The following NCKAP5 variants were observed in gnomAD, a reference collection of about 807,000 sequenced individuals.
NCKAP5 encodes nck-associated protein 5.
Under a neutral mutation model 167.0 loss-of-function variants are expected in NCKAP5, and 92 were observed. The observed-to-expected ratio is 0.55, with a 90% CI of 0.47 to 0.66. NCKAP5 has a LOEUF of 0.66. Among genes scored for constraint, NCKAP5 ranks in the 30% least tolerant of loss-of-function variants. NCKAP5 has a pLI of 0.00. For missense variants in NCKAP5, 2,378 were observed against 2,315.0 expected (o/e 1.03, Z -0.56); for synonymous variants, 891 against 877.4 (o/e 1.02, Z -0.27).
chr2:132,828,140 G>A (rs1687264996), intron 11 of NCKAP5, among the ~76,000 whole-genome samples: 1 of 152,218 alleles, frequency 6.6e-6, no homozygotes, highest in South Asian at 2.1e-4. Flanking sequence ...GACTGAATCT[G>A]CTGGTGCCTT....
Position 133,077,311 on chromosome 2 carries a change from C to T in NCKAP5, c.341+52667G>A, listed in dbSNP as rs147047441. ...CAAGATAATATGTTTGAGCTAAGTC[C>T]AACTGGATTTAAAAACGGATGCTTC... On this transcript the variant is annotated intron_variant, in intron 6 of 19. Coordinates refer to ENST00000409261, the MANE Select transcript of NCKAP5 (RefSeq NM_207363.3). 8.4e-3 allele frequency among the ~76,000 whole-genome samples: 1,284 copies of T among 152,150 alleles called. 15 individuals carry two copies. The highest frequency in any genetic ancestry group is 0.03 in the African/African-American group (1,228 of 41,514).
At chr2:133,372,117 G>A (rs1469781954) in intron 3 of NCKAP5, among the ~76,000 whole-genome samples, 3 of 152,206 alleles carry the variant, frequency 2.0e-5, no homozygotes, top group African/African-American at 7.2e-5. Context: ...GGCAAAGGAT[G>A]TGAGATTTGA....
chr2:132,882,402 G>A lies in NCKAP5; in HGVS notation c.580-3486C>T, dbSNP rs115138672. On this transcript the variant is annotated intron_variant, in intron 8 of 19. Transcript: ENST00000409261. ...ACCCCAAGCCCTACAGGATTCTTTCGTATCTTCTCCTTTTCATATTAGTAT... is the reference window on the plus strand; with the variant it reads ...ACCCCAAGCCCTACAGGATTCTTTCATATCTTCTCCTTTTCATATTAGTAT... Among the ~76,000 whole-genome samples the A allele has an allele frequency of 3.0e-3, 463 of 152,088 alleles. 1 individual carries two copies. The highest frequency in any genetic ancestry group is 0.017 in the Middle Eastern group (5 of 290).
chr2:133,428,046 T>G (rs1194757029), intron 3 of NCKAP5, among the ~76,000 whole-genome samples: 1 of 152,084 alleles, frequency 6.6e-6, no homozygotes, highest in Non-Finnish European at 1.5e-5. Context: ...AATACATAAG[T>G]GATATAATTC....
At chr2:133,404,415 A>G (rs1688296092) in intron 3 of NCKAP5, among the ~76,000 whole-genome samples, 1 of 152,218 alleles carries the variant, frequency 6.6e-6, no homozygotes, top group African/African-American at 2.4e-5. Context: ...GTTTTTTCCT[A>G]TACATAGATA....
intron 3 of NCKAP5, among the ~76,000 whole-genome samples, chr2:133,465,015 T>TA (rs1331951393): frequency 2.6e-5 from 4 of 151,974 alleles, no homozygotes; most frequent in African/African-American, 2.4e-5. Context: ...GCTTTTTTTT[T>TA]TTATTATTAT....
intron 6 of NCKAP5, among the ~76,000 whole-genome samples, chr2:133,085,705 T>C (rs1185511986): frequency 2.0e-5 from 3 of 152,154 alleles, no homozygotes; most frequent in Admixed American, 2.0e-4. Flanking sequence ...GTGGGCAAGC[T>C]GGCTAATTAA....
At chr2:132,791,934 C>G (rs1684102453) in intron 12 of NCKAP5, among the ~76,000 whole-genome samples, 1 of 152,202 alleles carries the variant, frequency 6.6e-6, no homozygotes, top group East Asian at 1.9e-4. Context: ...TGTATACCTC[C>G]TGTATAGATG....
At chr2:133,114,319 A>T (rs1470906290) in intron 6 of NCKAP5, among the ~76,000 whole-genome samples, 1 of 152,244 alleles carries the variant, frequency 6.6e-6, no homozygotes, top group African/African-American at 2.4e-5. Flanking sequence ...GTTCCAGTAT[A>T]AGAAATGCTC....
intron 6 of NCKAP5, among the ~76,000 whole-genome samples, chr2:133,020,519 A>C (rs1385958234): frequency 6.6e-6 from 1 of 152,192 alleles, no homozygotes; most frequent in Non-Finnish European, 1.5e-5. Flanking sequence ...GCCAGAAGAA[A>C]CTTTGGGGTT....
intron 5 of NCKAP5, among the ~76,000 whole-genome samples, chr2:133,194,165 G>A (rs1376200052): frequency 1.3e-5 from 2 of 151,956 alleles, no homozygotes; most frequent in Non-Finnish European, 2.9e-5. Flanking sequence ...AAAAACTAAT[G>A]AAAGCTAGAG....
At chr2:132,897,711 C>T (rs79923179) in intron 8 of NCKAP5, among the ~76,000 whole-genome samples, 1,638 of 152,278 alleles carry the variant, frequency 0.011, 35 homozygotes, top group African/African-American at 0.036. Flanking sequence ...TTTAGTTTCC[C>T]AGTGCATGTA....
At chr2:132,697,192 C>G (rs1334990239) in intron 19 of NCKAP5, among the ~76,000 whole-genome samples, 2 of 152,050 alleles carry the variant, frequency 1.3e-5, no homozygotes, top group Non-Finnish European at 2.9e-5. Context: ...GGCCGACATC[C>G]TTATGCTTCT....
chr2:132,978,291 T>C (rs568957753), intron 7 of NCKAP5, among the ~76,000 whole-genome samples: 6 of 152,174 alleles, frequency 3.9e-5, no homozygotes, highest in Non-Finnish European at 7.3e-5. Context: ...TCCAAATAAA[T>C]AGTCTTCTAG....
chr2:133,546,689 AAAC>A (rs1182486700), intron 2 of NCKAP5, among the ~76,000 whole-genome samples: 4 of 152,168 alleles, frequency 2.6e-5, no homozygotes, highest in African/African-American at 9.7e-5. Context: ...CAAAAAAACA[AAAC>A]AACAACAAAA....
intron 5 of NCKAP5, among the ~76,000 whole-genome samples, chr2:133,184,282 C>CA (rs1279608742): frequency 2.6e-5 from 4 of 151,938 alleles, no homozygotes; most frequent in Non-Finnish European, 5.9e-5. Context: ...CATGTTGCTT[C>CA]AAAAAAACAT....
chr2:133,068,604 G>A (rs536199396), intron 6 of NCKAP5, among the ~76,000 whole-genome samples: 1 of 152,172 alleles, frequency 6.6e-6, no homozygotes, highest in East Asian at 1.9e-4. Flanking sequence ...CTCGACCTCT[G>A]GGTCTGAAAC....
intron 6 of NCKAP5, among the ~76,000 whole-genome samples, chr2:133,093,908 T>C (rs1400608409): frequency 6.6e-6 from 1 of 151,822 alleles, no homozygotes; most frequent in Non-Finnish European, 1.5e-5. Context: ...TCAGAAAGAG[T>C]GGACACTGGC....
chr2:133,188,115 T>C (rs1324161606), intron 5 of NCKAP5, among the ~76,000 whole-genome samples: 2 of 152,096 alleles, frequency 1.3e-5, no homozygotes, highest in Admixed American at 6.6e-5. Context: ...CTGGTACTGG[T>C]TGTTCCTTTC....
Sources: gnomAD v4.1 joint callset for allele counts (sites outside exome capture counted in the v4.1 genomes callset) on GRCh38, gnomAD v4.1.1 for gene constraint, MANE v1.5 for transcripts, NCBI Gene and HGNC (gene_info 2026-07-23, HGNC 2026-07-21) for gene names.